HAS3: variants seen among roughly 807,000 people sequenced by gnomAD.
HAS3 encodes the protein hyaluronan synthase 3, also known as HA synthase 3.
Under a neutral mutation model 50.3 loss-of-function variants are expected in HAS3, and 27 were observed. That is an observed-to-expected ratio of 0.54 (90% CI 0.40 to 0.74). The LOEUF (loss-of-function observed/expected upper bound fraction) is 0.74. HAS3 is among the 30% of genes least tolerant of loss of function. The probability of loss-of-function intolerance (pLI) is 0.00; values close to 1 mark genes in which losing one functional copy is unlikely to be tolerated. For missense variants in HAS3, 517 were observed against 742.8 expected, an observed-to-expected ratio of 0.70 and a Z score of 3.53; for synonymous variants, 339 against 310.9, an observed-to-expected ratio of 1.09 and a Z score of -0.95.
chr16:69,106,710 A>G lies in HAS3; in HGVS notation c.-1+923A>G, dbSNP rs2152254385. ...CCCGGGGGTTTGCACCTGTCCGGGC[A>G]CCAAGGTACCAGGCGCCCACGTTCC... On this transcript the variant is annotated intron_variant, in intron 1 of 3. Coordinates refer to ENST00000569188, the MANE Select transcript of HAS3 (RefSeq NM_001199280.2). The surrounding 1 kb of genome is among the most constrained non-coding windows in gnomAD (Gnocchi z 5.5). The G allele has an allele frequency of 6.6e-6, 1 of 152,094 alleles. No individual in the cohort carries two copies. The allele number at this position is 152,094 out of a possible 1,614,324, so 9.4% of individuals were successfully genotyped here. A position where few individuals can be genotyped will look rare whatever the true frequency, so the allele number is the denominator to read the frequency against.
At chr16:69,090,080 C>A in the HAS3 span, among the ~76,000 whole-genome samples, 1 of 152,170 alleles carries the variant, frequency 6.6e-6, no homozygotes, top group Admixed American at 6.5e-5. Flanking sequence ...TTTTGAACAT[C>A]TGTTGAATAC....
chr16:69,100,913 AGGCACTCATT>A (rs1163934650), upstream of HAS3, among the ~76,000 whole-genome samples: 1 of 152,056 alleles, frequency 6.6e-6, no homozygotes, highest in African/African-American at 2.4e-5. Context: ...CTGGCGTGCA[AGGCACTCATT>A]TAGGATTATT....
chr16:69,110,458 G>C (rs1287667705), intron 2 of HAS3, among the ~76,000 whole-genome samples: 2 of 152,194 alleles, frequency 1.3e-5, no homozygotes, highest in Admixed American at 6.5e-5. Flanking sequence ...CCAGGCTGGA[G>C]TGCAACGGCT....
chr16:69,109,741 C>G lies in HAS3; in HGVS notation c.346C>G (p.Leu116Val). The change falls in exon 2 of 4, where the codon CTC becomes GTC. Residue 116 changes from leucine to valine, a missense_variant. Coordinates refer to ENST00000569188, the MANE Select transcript of HAS3 (RefSeq NM_001199280.2). The surrounding 1 kb of genome is among the most constrained non-coding windows in gnomAD (Gnocchi z 5.3). ...RSAQRISFPD[L>V]KVVMVVDGNR... ...GGCCCAGCGCATCTCCTTCCCTGACCTCAAGGTGGTCATGGTGGTGGATGG... is the reference window on the plus strand; with the variant it reads ...GGCCCAGCGCATCTCCTTCCCTGACGTCAAGGTGGTCATGGTGGTGGATGG... 1 of 1,611,502 alleles carries G rather than the reference C, an allele frequency of 6.2e-7. No individual in the cohort carries two copies. Among genetic ancestry groups the G allele is most frequent in the Non-Finnish European group, 8.5e-7 (1 of 1,180,002 alleles).
At chr16:69,105,149 G>A (rs1043631785), upstream of HAS3, among the ~76,000 whole-genome samples, 1 of 151,716 alleles carries the variant, frequency 6.6e-6, no homozygotes, top group Non-Finnish European at 1.5e-5. Context: ...CTGGGATTAC[G>A]GGCATGGTGC....
chr16:69,084,332 C>T, the HAS3 span: 1 of 152,198 alleles, frequency 6.6e-6, no homozygotes, highest in African/African-American at 2.4e-5. Context: ...AAGGGTAAGC[C>T]CTGTATTTAT....
chr16:69,090,420 T>A, the HAS3 span, among the ~76,000 whole-genome samples: 1 of 151,724 alleles, frequency 6.6e-6, no homozygotes, highest in East Asian at 1.9e-4. Flanking sequence ...ACTTGGCACT[T>A]TTTTTTTGGA....
chr16:69,109,425 T>C lies in HAS3; in HGVS notation c.30T>C (p.Arg10=), dbSNP rs1430560435. 3.7e-6 allele frequency: 6 copies of C among 1,610,958 alleles called. No individual in the cohort carries two copies. The highest frequency in any genetic ancestry group is 5.1e-6 in the Non-Finnish European group (6 of 1,179,390). The part of the protein sequence containing the change: MPVQLTTAL[R]VVGTSLFALA... ...CGGTGCAGCTGACGACAGCCCTGCG[T>C]GTGGTGGGCACCAGCCTGTTTGCCC... is the stretch of plus-strand genomic sequence containing the variant. Residue 10 remains arginine (R), a synonymous_variant, in exon 2 of 4, where the codon CGT becomes CGC. Transcript: ENST00000569188. The surrounding 1 kb of genome is among the most constrained non-coding windows in gnomAD (Gnocchi z 5.3).
At position 69,110,016 on chromosome 16, in the gene HAS3, G is replaced by T. The variant is rs766759913; in HGVS notation, c.621G>T (p.Ser207=). The T allele has an allele frequency of 6.2e-7, 1 of 1,606,754 alleles. No homozygotes were observed. Among genetic ancestry groups the T allele is most frequent in the Non-Finnish European group, 8.5e-7 (1 of 1,174,524 alleles). Residue 207 remains serine (S), a synonymous_variant, in exon 2 of 4, where the codon TCG becomes TCT. Coordinates refer to ENST00000569188, the MANE Select transcript of HAS3 (RefSeq NM_001199280.2). ...CGGCCTTCAAGGCCCTCGGCGATTC[G>T]GTGGACTACATCCAGGTAAGGGCGC... ...MYTAFKALGD[S]VDYIQVCDSD... is the part of the protein sequence containing the mutation.
chr16:69,107,190 C>A lies in HAS3; in HGVS notation c.-1+1403C>A. 1 of 337,798 alleles carries A rather than the reference C, an allele frequency of 3.0e-6. No homozygotes were observed. The highest frequency in any genetic ancestry group is 4.2e-6 in the Non-Finnish European group (1 of 237,904). The allele number at this position is 337,798 out of a possible 1,614,324, so 20.9% of individuals were successfully genotyped here. On this transcript the variant is annotated intron_variant, in intron 1 of 3. Transcript: ENST00000569188. The surrounding 1 kb of genome is among the most constrained non-coding windows in gnomAD (Gnocchi z 5.5). ...GCCCCAGGTCTGGGCAGGAGAACCT[C>A]GACCACAGCCTGCACCAGCGCCTGA...
At chr16:69,092,408 G>C in the HAS3 span, among the ~76,000 whole-genome samples, 3 of 152,096 alleles carry the variant, frequency 2.0e-5, no homozygotes, top group Non-Finnish European at 4.4e-5. Context: ...CTCAAGACCA[G>C]CCTGGCCAAC....
chr16:69,098,401 G>C, the HAS3 span, among the ~76,000 whole-genome samples: 1 of 151,338 alleles, frequency 6.6e-6, no homozygotes, highest in Non-Finnish European at 1.5e-5. Flanking sequence ...TGTGAACTCA[G>C]AATTTATCTT....
chr16:69,095,394 G>A, the HAS3 span, among the ~76,000 whole-genome samples: 2 of 152,054 alleles, frequency 1.3e-5, no homozygotes, highest in South Asian at 2.1e-4. Context: ...AGAGCTCACC[G>A]CCTGACTGGC....
At chr16:69,094,754 G>A in the HAS3 span, among the ~76,000 whole-genome samples, 2 of 152,074 alleles carry the variant, frequency 1.3e-5, no homozygotes, top group Non-Finnish European at 2.9e-5. Flanking sequence ...GGGCTGGCTG[G>A]GTTTTTCCCA....
chr16:69,117,067 C>G lies in HAS3; in HGVS notation c.*1801C>G, dbSNP rs1961216045. The G allele has an allele frequency of 2.0e-6, 2 of 985,616 alleles. No individual in the cohort carries two copies. Among genetic ancestry groups the G allele is most frequent in the Non-Finnish European group, 1.2e-6 (1 of 829,912 alleles). 61.1% of individuals were successfully genotyped at this position (985,616 alleles called of 1,614,324 possible). ...AGACCTCGAGTTTCTGGTAAGACTG[C>G]TGGTTGACATCAGACCCAACCCATG... is the stretch of plus-strand genomic sequence containing the variant. On this transcript the variant is annotated 3_prime_UTR_variant, in exon 4 of 4. Coordinates refer to ENST00000569188, the MANE Select transcript of HAS3 (RefSeq NM_001199280.2).
the HAS3 span, among the ~76,000 whole-genome samples, chr16:69,099,818 G>GT: frequency 4.0e-3 from 580 of 144,762 alleles, 3 homozygotes; most frequent in East Asian, 0.031. Context: ...TGCCTTCTGG[G>GT]TTTTTTTTTT....
intron 2 of HAS3, among the ~76,000 whole-genome samples, chr16:69,111,138 C>T (rs1038383266): frequency 6.9e-6 from 1 of 145,324 alleles, no homozygotes. Flanking sequence ...ACCCTAGGAC[C>T]CTGGATTTCT....
chr16:69,085,765 G>A, the HAS3 span, among the ~76,000 whole-genome samples: 1 of 146,006 alleles, frequency 6.8e-6, no homozygotes, highest in African/African-American at 2.5e-5. Context: ...TTTTAGTAGA[G>A]ACAGGGTTTC....
upstream of HAS3, among the ~76,000 whole-genome samples, chr16:69,104,481 A>T (rs1403066793): frequency 6.6e-6 from 1 of 151,806 alleles, no homozygotes; most frequent in East Asian, 1.9e-4. Context: ...ATTTTTTAGT[A>T]GAGATAGGGT....
Sources: gnomAD v4.1 joint callset for allele counts (sites outside exome capture counted in the v4.1 genomes callset) on GRCh38, gnomAD v4.1.1 for gene constraint, Gnocchi (gnomAD v3.1) non-coding constraint, MANE v1.5 for transcripts, NCBI Gene and HGNC (gene_info 2026-07-23, HGNC 2026-07-21) for gene names.